Variants in MCTP2 observed in about 807,000 individuals in gnomAD.
The protein encoded by MCTP2 is multiple C2 and transmembrane domain containing 2.
A neutral mutation model predicts 111.6 loss-of-function variants in MCTP2; 132 were observed. The ratio of observed to expected loss-of-function variants is 1.18; its 90% CI spans 1.03 to 1.37. The LOEUF (loss-of-function observed/expected upper bound fraction) is 1.37, where lower values mean the gene tolerates loss of function less well. MCTP2 is among the 40% of genes most tolerant of loss of function. MCTP2 has a pLI of 0.00. For synonymous variants in MCTP2, 395 were observed against 387.7 expected, an observed-to-expected ratio of 1.02 and a Z score of -0.22; for missense variants, 1,183 against 1,067.9, an observed-to-expected ratio of 1.11 and a Z score of -1.50.
At chr15:94,252,624 G>A (rs1027842067) in intron 1 of MCTP2, among the ~76,000 whole-genome samples, 7 of 150,810 alleles carry the variant, frequency 4.6e-5, no homozygotes, top group Non-Finnish European at 1.0e-4. Context: ...CATGCCTCTG[G>A]TTTACAGATT....
intron 4 of MCTP2, among the ~76,000 whole-genome samples, chr15:94,338,990 T>G (rs904678899): frequency 6.6e-6 from 1 of 152,232 alleles, no homozygotes; most frequent in Non-Finnish European, 1.5e-5. Flanking sequence ...CTGACCCTGT[T>G]AGCTTGTGCT....
chr15:94,464,031 T>C (rs2085371969), intron 20 of MCTP2, among the ~76,000 whole-genome samples: 1 of 151,352 alleles, frequency 6.6e-6, no homozygotes, highest in South Asian at 2.1e-4. Context: ...ACTTATTTTG[T>C]GTTCTTGACA....
chr15:94,296,879 C>G (rs1388630180), intron 1 of MCTP2, among the ~76,000 whole-genome samples: 1 of 152,186 alleles, frequency 6.6e-6, no homozygotes, highest in East Asian at 1.9e-4. Context: ...AAGCTCTTGT[C>G]ATGCGCTGGT....
In MCTP2 at chr15:94,479,134, T is replaced by C. The variant is rs1460150268; in HGVS notation, c.*100T>C. Reference sequence around the variant, plus strand: ...TGGTACCCAAGGTGTCCTTCTGAAATGCATGCCCTGTGGCACCCTCTGTAT... The same window carrying C: ...TGGTACCCAAGGTGTCCTTCTGAAACGCATGCCCTGTGGCACCCTCTGTAT... On this transcript the variant is annotated 3_prime_UTR_variant, in exon 23 of 23. Transcript: ENST00000357742. 15 of 1,167,566 alleles carry C rather than the reference T, an allele frequency of 1.3e-5. No homozygotes were observed. Among genetic ancestry groups the C allele is most frequent in the Non-Finnish European group, 1.9e-5 (15 of 778,532 alleles). 72.3% of individuals were successfully genotyped at this position (1,167,566 alleles called of 1,614,324 possible).
Position 94,339,431 on chromosome 15 carries a change from AG to A in MCTP2, c.780+1del, listed in dbSNP as rs756124707. ...AGCCTTGATCAAAAGCTACGTGTGAAGGTAATCACAGATAGCTTTCAAATCT... is the reference window on the plus strand; with the variant it reads ...AGCCTTGATCAAAAGCTACGTGTGAAGTAATCACAGATAGCTTTCAAATCT... ...IQSLDQKLRV[K>X]VYDRDLTTSD... On this transcript the variant is annotated frameshift_variant and splice_region_variant, in exon 5 of 23. Transcript: ENST00000357742. LOFTEE classifies it high-confidence loss of function. 1 of 1,586,058 alleles carries A rather than the reference AG, an allele frequency of 6.3e-7. No homozygotes were observed. Among genetic ancestry groups the A allele is most frequent in the Non-Finnish European group, 8.6e-7 (1 of 1,168,966 alleles).
At chr15:94,418,669 A>C (rs542984975) in intron 17 of MCTP2, among the ~76,000 whole-genome samples, 31 of 152,264 alleles carry the variant, frequency 2.0e-4, no homozygotes, top group Non-Finnish European at 3.8e-4. Context: ...TTATTGGGGC[A>C]TAGGTGATTG....
At chr15:94,360,244 G>A (rs554864713) in intron 10 of MCTP2, among the ~76,000 whole-genome samples, 4 of 152,152 alleles carry the variant, frequency 2.6e-5, no homozygotes, top group African/African-American at 7.2e-5. Context: ...TTCCCTGGCC[G>A]TCTCCCAGCC....
chr15:94,399,148 A>G, intron 15 of MCTP2, 86 bp downstream of exon 15: 1 of 716,612 alleles, frequency 1.4e-6, no homozygotes, highest in African/African-American at 1.8e-5. Context: ...TCAATGTAAG[A>G]TGTTTCAGAA....
At chr15:94,282,753 G>A (rs1465438483) in intron 1 of MCTP2, among the ~76,000 whole-genome samples, 2 of 152,164 alleles carry the variant, frequency 1.3e-5, no homozygotes, top group African/African-American at 2.4e-5. Flanking sequence ...GGGTTTGACT[G>A]TAGTGCAAAT....
At chr15:94,279,678 C>T (rs1206583899) in intron 1 of MCTP2, among the ~76,000 whole-genome samples, 2 of 152,094 alleles carry the variant, frequency 1.3e-5, no homozygotes, top group Admixed American at 6.6e-5. Flanking sequence ...GAGTGGGCAT[C>T]TTTGCCTTGT....
In MCTP2 at chr15:94,440,305, A is replaced by G; in HGVS notation, c.2208+7A>G. ...CAGCATCCAGGACAGCCAGGTAAGC[A>G]AGGATTCGGAGTTCTGACATTTGAC... On this transcript the variant is annotated splice_region_variant and intron_variant, in intron 18 of 22. Coordinates refer to ENST00000357742, the MANE Select transcript of MCTP2 (RefSeq NM_001385001.1). 1.9e-6 allele frequency: 3 copies of G among 1,613,606 alleles called. No individual in the cohort carries two copies. Among genetic ancestry groups the G allele is most frequent in the South Asian group, 2.2e-5 (2 of 90,932 alleles).
intron 12 of MCTP2, among the ~76,000 whole-genome samples, chr15:94,381,274 A>G (rs78887220): frequency 0.028 from 4,192 of 152,364 alleles, 164 homozygotes; most frequent in African/African-American, 0.096. Flanking sequence ...TAAAATGTGC[A>G]TAAATTATTC....
At chr15:94,472,291 C>T (rs563229308) in intron 21 of MCTP2, among the ~76,000 whole-genome samples, 15 of 152,294 alleles carry the variant, frequency 9.8e-5, no homozygotes, top group African/African-American at 3.4e-4. Flanking sequence ...GCATGAGAAT[C>T]GCTTGAATCC....
At position 94,475,618 on chromosome 15, in the gene MCTP2, T is replaced by C. The variant is rs190276559; in HGVS notation, c.2471-1078T>C. ...ATTGGGACTGACAGCCCTTCAGATA[T>C]GATCCTTGTTAAACAAGCACCCTGT... On this transcript the variant is annotated intron_variant, in intron 21 of 22. Coordinates refer to ENST00000357742, the MANE Select transcript of MCTP2 (RefSeq NM_001385001.1). 3.0e-3 allele frequency among the ~76,000 whole-genome samples: 456 copies of C among 152,316 alleles called. 4 individuals are homozygous for C. Among genetic ancestry groups the C allele is most frequent in the Middle Eastern group, 0.024 (7 of 294 alleles).
intron 12 of MCTP2, among the ~76,000 whole-genome samples, chr15:94,372,808 G>A (rs1208369376): frequency 1.3e-5 from 2 of 152,022 alleles, no homozygotes; most frequent in Admixed American, 1.3e-4. Flanking sequence ...CGGATAACCA[G>A]GGACATTCTC....
intron 10 of MCTP2, 87 bp downstream of exon 10, chr15:94,358,699 G>T: frequency 6.7e-7 from 1 of 1,490,688 alleles, no homozygotes; most frequent in Admixed American, 2.0e-5. Flanking sequence ...TAGGGCTGAG[G>T]GCACTACCTT....
At chr15:94,321,238 A>G (rs531245610) in intron 4 of MCTP2, among the ~76,000 whole-genome samples, 25 of 152,288 alleles carry the variant, frequency 1.6e-4, no homozygotes, top group Admixed American at 1.1e-3. Context: ...ACAGTGTTCA[A>G]TGGCTCAGTA....
chr15:94,451,267 CTCT>C (rs568554224), intron 19 of MCTP2, among the ~76,000 whole-genome samples: 139 of 152,150 alleles, frequency 9.1e-4, no homozygotes, highest in African/African-American at 3.2e-3. Context: ...ACAGTGAATG[CTCT>C]TCTTTTTTAT....
At chr15:94,321,798 A>G (rs1272472069) in intron 4 of MCTP2, among the ~76,000 whole-genome samples, 1 of 152,266 alleles carries the variant, frequency 6.6e-6, no homozygotes, top group Non-Finnish European at 1.5e-5. Context: ...ACTGTTGACC[A>G]GAAGCCTTAC....
Sources: gnomAD v4.1 joint callset for allele counts (sites outside exome capture counted in the v4.1 genomes callset) on GRCh38, gnomAD v4.1.1 for gene constraint, MANE v1.5 for transcripts, NCBI Gene and HGNC (gene_info 2026-07-23, HGNC 2026-07-21) for gene names.